The following RPH3AL variants were observed in gnomAD, a reference collection of about 807,000 sequenced individuals.
RPH3AL encodes the protein rab effector Noc2.
Under a neutral mutation model 43.1 loss-of-function variants are expected in RPH3AL, and 38 were observed. The ratio of observed to expected loss-of-function variants is 0.88; its 90% CI spans 0.68 to 1.15. The LOEUF is 1.15. Ranked by LOEUF, RPH3AL falls within the 50% of genes most tolerant of loss-of-function variation. The pLI is 0.00. For synonymous variants in RPH3AL, 189 were observed against 176.3 expected (o/e 1.07, Z -0.57); for missense variants, 462 against 423.2 (o/e 1.09, Z -0.81).
intron 7 of RPH3AL, among the ~76,000 whole-genome samples, chr17:230,863 T>G (rs757771866): frequency 1.3e-5 from 2 of 152,040 alleles, no homozygotes; most frequent in Admixed American, 6.5e-5. Context: ...TGTTGTTGTT[T>G]TTCATAGAGA....
intron 5 of RPH3AL, among the ~76,000 whole-genome samples, chr17:298,871 C>T (rs2043248055): frequency 6.6e-6 from 1 of 152,082 alleles, no homozygotes; most frequent in Non-Finnish European, 1.5e-5. Flanking sequence ...AACGGAGCTC[C>T]AAGGAGGGGG....
At position 217,481 on chromosome 17, in the gene RPH3AL, A is replaced by G. The variant is rs1309116376; in HGVS notation, c.728-1679T>C. ...AGGACCCCCAAGGCATTTCATTCCCATCTGGGGCAGTTATTACAGAGCCCT... is the reference window on the plus strand; with the variant it reads ...AGGACCCCCAAGGCATTTCATTCCCGTCTGGGGCAGTTATTACAGAGCCCT... On this transcript the variant is annotated intron_variant, in intron 8 of 9. Coordinates refer to ENST00000331302, the MANE Select transcript of RPH3AL (RefSeq NM_006987.4). 1.8e-4 allele frequency among the ~76,000 whole-genome samples: 10 copies of G among 55,446 alleles called. No homozygotes were observed. The South Asian group carries it at 0.01, about 56-fold the overall frequency. The allele number at this position is 55,446 out of a possible 152,430, so 36.4% of individuals were successfully genotyped here. A position where few individuals can be genotyped will look rare whatever the true frequency, so the allele number is the denominator to read the frequency against.
chr17:309,737 T>C (rs112224893), intron 5 of RPH3AL, among the ~76,000 whole-genome samples: 9 of 136,410 alleles, frequency 6.6e-5, no homozygotes, highest in African/African-American at 2.4e-4. Context: ...GGATACGGCA[T>C]GTCCCCTGCC....
Position 212,712 on chromosome 17 carries a change from C to CAT in RPH3AL, c.*1139_*1140insAT, listed in dbSNP as rs59148603. On this transcript the variant is annotated 3_prime_UTR_variant, in exon 10 of 10. Transcript: ENST00000331302. ...GTGTGATCACCGACACACACACACACGTTCTCTCTCTTCAGGGAAGGGTTT... is the reference window on the plus strand; with the variant it reads ...GTGTGATCACCGACACACACACACACATGTTCTCTCTCTTCAGGGAAGGGTTT... The CAT allele has an allele frequency of 2.0e-5, 3 of 151,896 alleles. No individual in the cohort carries two copies. The highest frequency in any genetic ancestry group is 6.6e-5 in the Admixed American group (1 of 15,252). The allele number at this position is 151,896 out of a possible 1,614,324, so 9.4% of individuals were successfully genotyped here.
intron 6 of RPH3AL, among the ~76,000 whole-genome samples, chr17:248,634 C>A (rs1362267456): frequency 1.3e-5 from 2 of 152,286 alleles, no homozygotes; most frequent in East Asian, 3.9e-4. Flanking sequence ...GCCCCTTGGG[C>A]TCTGAGGGGT....
intron 9 of RPH3AL, chr17:214,752 A>G (rs1465157492): frequency 6.6e-6 from 1 of 152,110 alleles, no homozygotes; most frequent in Non-Finnish European, 1.5e-5. Flanking sequence ...CCCGGGCAAC[A>G]GCATGAGATC....
chr17:234,153 CTGAGCAGGGAGCGGCTACTTACCCTGA>C (rs2041304200), intron 7 of RPH3AL, among the ~76,000 whole-genome samples: 1 of 4,046 alleles, frequency 2.5e-4, no homozygotes, highest in African/African-American at 1.2e-3. Flanking sequence ...ACCAACTTCC[CTGAGCAGGGAGCGGCTACTTACCCTGA>C]CCAACTTCCC....
intron 1 of RPH3AL, among the ~76,000 whole-genome samples, chr17:338,199 C>T (rs574420164): frequency 1.6e-4 from 24 of 152,276 alleles, no homozygotes; most frequent in African/African-American, 5.3e-4. Context: ...TGGTGGCTCA[C>T]ACCTGTAACC....
chr17:259,661 C>T (rs782690075), intron 6 of RPH3AL, among the ~76,000 whole-genome samples: 2 of 152,200 alleles, frequency 1.3e-5, no homozygotes, highest in Non-Finnish European at 2.9e-5. Context: ...GCCGGCAAAG[C>T]AGCCAGCCTT....
At chr17:228,370 G>C (rs936517869) in intron 7 of RPH3AL, among the ~76,000 whole-genome samples, 2 of 152,080 alleles carry the variant, frequency 1.3e-5, no homozygotes, top group African/African-American at 2.4e-5. Context: ...GTGTGCTCAG[G>C]GGCTCGCCTG....
chr17:293,036 G>A (rs1026979691), intron 5 of RPH3AL, among the ~76,000 whole-genome samples: 4 of 152,204 alleles, frequency 2.6e-5, no homozygotes, highest in Admixed American at 1.3e-4. Flanking sequence ...CGGCTCCCAG[G>A]GGAACCAGCC....
chr17:284,157 G>A (rs960681495), intron 5 of RPH3AL, among the ~76,000 whole-genome samples: 4 of 152,148 alleles, frequency 2.6e-5, no homozygotes, highest in African/African-American at 9.7e-5. Flanking sequence ...GCGATGCTGC[G>A]GGAACAGGAG....
chr17:247,028 T>A, intron 7 of RPH3AL, 83 bp downstream of exon 7: 2 of 1,469,266 alleles, frequency 1.4e-6, no homozygotes, highest in South Asian at 2.3e-5. Context: ...TGCGGGGGAC[T>A]GGCCTTGTGC....
At position 329,190 on chromosome 17, in the gene RPH3AL, A is replaced by C. The variant is rs560068409; in HGVS notation, c.-36-1611T>G. Among the ~76,000 whole-genome samples the C allele has an allele frequency of 4.6e-5, 7 of 152,302 alleles. No individual in the cohort carries two copies. In the South Asian group the frequency reaches 1.5e-3, roughly 32 times the overall value. The stretch of plus-strand genomic sequence containing the variant: ...AAAAAATGAATTATAACTCATTCAC[A>C]GGCCAGACATGGTGGCTGAGGCCTG... On this transcript the variant is annotated intron_variant, in intron 2 of 9. Transcript: ENST00000331302.
At chr17:341,791 T>A (rs2045126120) in intron 1 of RPH3AL, among the ~76,000 whole-genome samples, 2 of 152,160 alleles carry the variant, frequency 1.3e-5, no homozygotes, top group Non-Finnish European at 2.9e-5. Context: ...CAAGTTGTCC[T>A]CCCACCTCGG....
chr17:317,579 C>A (rs910797975), intron 5 of RPH3AL, among the ~76,000 whole-genome samples: 1 of 152,136 alleles, frequency 6.6e-6, no homozygotes, highest in Non-Finnish European at 1.5e-5. Context: ...AGGGCCTTGG[C>A]AAGGCTGAAG....
intron 6 of RPH3AL, among the ~76,000 whole-genome samples, chr17:278,582 T>C (rs1335793336): frequency 6.6e-6 from 1 of 152,070 alleles, no homozygotes; most frequent in Non-Finnish European, 1.5e-5. Context: ...AGATCTCCAT[T>C]CAAAAGTCAT....
At chr17:326,654 G>A (rs994082633) in intron 3 of RPH3AL, among the ~76,000 whole-genome samples, 1 of 152,228 alleles carries the variant, frequency 6.6e-6, no homozygotes, top group Non-Finnish European at 1.5e-5. Flanking sequence ...ACCAAGGCGG[G>A]TGGATCACTT....
At chr17:307,323 TCCTCC>T (rs2043523980) in intron 5 of RPH3AL, among the ~76,000 whole-genome samples, 2 of 108,108 alleles carry the variant, frequency 1.8e-5, no homozygotes, top group African/African-American at 7.4e-5. Flanking sequence ...CCACGGCAGG[TCCTCC>T]CCACGGCAGG....
Sources: gnomAD v4.1 joint callset for allele counts (sites outside exome capture counted in the v4.1 genomes callset) on GRCh38, gnomAD v4.1.1 for gene constraint, MANE v1.5 for transcripts, NCBI Gene and HGNC (gene_info 2026-07-23, HGNC 2026-07-21) for gene names.